UGT1A9: variants seen among roughly 807,000 people sequenced by gnomAD.
The protein encoded by UGT1A9 is UDP-glucuronosyltransferase 1A9.
A neutral mutation model predicts 45.0 loss-of-function variants in UGT1A9; 35 were observed. That is an observed-to-expected ratio of 0.78 (90% CI 0.59 to 1.03). The LOEUF is 1.03. UGT1A9 is among the 50% of genes least tolerant of loss of function. UGT1A9 has a pLI of 0.00. For synonymous variants in UGT1A9, 278 were observed against 250.6 expected, an observed-to-expected ratio of 1.11 and a Z score of -1.03; for missense variants, 687 against 666.6, an observed-to-expected ratio of 1.03 and a Z score of -0.34.
intron 4 of UGT1A9, 140 bp downstream of exon 4, chr2:233,768,579 C>CT: frequency 4.3e-6 from 4 of 934,844 alleles, no homozygotes; most frequent in Admixed American, 8.5e-5. Context: ...ATTTTTATTT[C>CT]TTCTTTTTTT....
chr2:233,753,174 A>G (rs1695146972), intron 1 of UGT1A9: 2 of 152,226 alleles, frequency 1.3e-5, no homozygotes, highest in South Asian at 4.1e-4. Context: ...ATCACTAAAA[A>G]ATGAACTCAT....
At position 233,701,169 on chromosome 2, in the gene UGT1A9, G is replaced by A. The variant is rs28899173; in HGVS notation, c.855+28380G>A. 9.8e-3 allele frequency among the ~76,000 whole-genome samples: 1,493 copies of A among 152,126 alleles called. 33 individuals are homozygous for A. Among genetic ancestry groups the A allele is most frequent in the African/African-American group, 0.033 (1,365 of 41,476 alleles). On this transcript the variant is annotated intron_variant, in intron 1 of 4. Coordinates refer to ENST00000354728, the MANE Select transcript of UGT1A9 (RefSeq NM_021027.3). ...AGTCTTTGCTATTGTGAATAGTGCC[G>A]TTATAAACATACATGTGCATGTGTC... is the stretch of plus-strand genomic sequence containing the variant.
chr2:233,740,994 G>A (rs1691532942), intron 1 of UGT1A9: 1 of 151,722 alleles, frequency 6.6e-6, no homozygotes, highest in African/African-American at 2.4e-5. Flanking sequence ...TGCTGAGGAG[G>A]AAGGATCACT....
chr2:233,743,981 G>A, intron 1 of UGT1A9: 4 of 1,297,888 alleles, frequency 3.1e-6, no homozygotes, highest in Non-Finnish European at 3.0e-6. Context: ...CAGCACCCAG[G>A]CGCAGGCCCG....
intron 1 of UGT1A9, among the ~76,000 whole-genome samples, chr2:233,764,578 C>T (rs146266932): frequency 2.0e-4 from 31 of 152,244 alleles, no homozygotes; most frequent in African/African-American, 6.5e-4. Flanking sequence ...AACTTAGACT[C>T]GGCCTTTTCC....
At chr2:233,681,271 C>T (rs141901826) in intron 1 of UGT1A9, among the ~76,000 whole-genome samples, 1 of 152,050 alleles carries the variant, frequency 6.6e-6, no homozygotes, top group African/African-American at 2.4e-5. Flanking sequence ...TAGTGGCTCA[C>T]GCCTGTAATC....
intron 1 of UGT1A9, chr2:233,682,600 C>T: frequency 6.2e-7 from 1 of 1,613,880 alleles, no homozygotes; most frequent in African/African-American, 1.3e-5. Flanking sequence ...TATTTTGCCC[C>T]TATTTTTTCA....
At chr2:233,708,468 C>T (rs1383966738) in intron 1 of UGT1A9, 1 of 152,162 alleles carries the variant, frequency 6.6e-6, no homozygotes, top group African/African-American at 2.4e-5. Context: ...ATTGATGCAA[C>T]TGGCTGAGCG....
At chr2:233,693,874 G>A in intron 1 of UGT1A9, 1 of 1,614,164 alleles carries the variant, frequency 6.2e-7, no homozygotes, top group Non-Finnish European at 8.5e-7. Flanking sequence ...AGGTTGGTGG[G>A]TTTATTTCTT....
chr2:233,727,434 G>A (rs2077616452), intron 1 of UGT1A9, among the ~76,000 whole-genome samples: 1 of 152,122 alleles, frequency 6.6e-6, no homozygotes, highest in African/African-American at 2.4e-5. Context: ...TCCCAGACAT[G>A]TGACAAGAAA....
At chr2:233,753,567 A>C (rs1321356357) in intron 1 of UGT1A9, 2 of 152,130 alleles carry the variant, frequency 1.3e-5, no homozygotes, top group African/African-American at 4.8e-5. Context: ...AGAAGATGGG[A>C]CCCTTTGTGA....
intron 1 of UGT1A9, chr2:233,682,685 A>T: frequency 6.2e-7 from 1 of 1,613,842 alleles, no homozygotes; most frequent in Non-Finnish European, 8.5e-7. Context: ...CCACACATCA[A>T]TTTGGTTGTT....
intron 1 of UGT1A9, among the ~76,000 whole-genome samples, chr2:233,734,963 T>A (rs1419315489): frequency 6.6e-6 from 1 of 152,234 alleles, no homozygotes; most frequent in Non-Finnish European, 1.5e-5. Context: ...ATAAGTGTGA[T>A]GTGGTGCTGA....
chr2:233,732,680 C>A (rs899691828), intron 1 of UGT1A9, among the ~76,000 whole-genome samples: 4 of 151,836 alleles, frequency 2.6e-5, no homozygotes, highest in African/African-American at 9.7e-5. Context: ...TGTTTTGGTA[C>A]CAGCACCCAT....
chr2:233,717,337 A>G (rs11676072), intron 1 of UGT1A9, among the ~76,000 whole-genome samples: 4,456 of 152,324 alleles, frequency 0.029, 61 homozygotes, highest in African/African-American at 0.039. Flanking sequence ...ACAAATCCCC[A>G]GAAATCGTCC....
At chr2:233,683,915 G>C (rs2074656487) in intron 1 of UGT1A9, among the ~76,000 whole-genome samples, 1 of 152,106 alleles carries the variant, frequency 6.6e-6, no homozygotes, top group Admixed American at 6.5e-5. Flanking sequence ...GGAGCATATA[G>C]TTCCAAAATA....
chr2:233,694,002 A>G, intron 1 of UGT1A9: 1 of 1,487,164 alleles, frequency 6.7e-7, no homozygotes, highest in South Asian at 1.3e-5. Context: ...CCCGGCTCGG[A>G]GCAGCGGGAA....
At chr2:233,674,143 T>A (rs1453061826) in intron 1 of UGT1A9, among the ~76,000 whole-genome samples, 1 of 152,196 alleles carries the variant, frequency 6.6e-6, no homozygotes, top group Non-Finnish European at 1.5e-5. Context: ...CTTACAAGGT[T>A]CAGTAGACTT....
intron 4 of UGT1A9, 143 bp downstream of exon 4, chr2:233,768,582 CTTTTTTTTTTT>C (rs139595073): frequency 1.7e-3 from 1,723 of 1,029,514 alleles, no homozygotes; most frequent in Middle Eastern, 4.0e-3. Flanking sequence ...TTTATTTCTT[CTTTTTTTTTTT>C]TTTTTTTTTT....
Sources: gnomAD v4.1 joint callset for allele counts (sites outside exome capture counted in the v4.1 genomes callset) on GRCh38, gnomAD v4.1.1 for gene constraint, MANE v1.5 for transcripts, NCBI Gene and HGNC (gene_info 2026-07-23, HGNC 2026-07-21) for gene names.